AK7: variants seen among roughly 807,000 people sequenced by gnomAD.
The protein encoded by AK7 is adenylate kinase 7, also known as ATP-AMP transphosphorylase 7.
AK7 carries 78 observed loss-of-function variants against 96.6 expected under a neutral mutation model. That is an observed-to-expected ratio of 0.81 (90% confidence interval 0.67 to 0.97). The LOEUF (loss-of-function observed/expected upper bound fraction) is 0.97, where lower values mean the gene tolerates loss of function less well. Ranked by LOEUF, AK7 falls within the 50% of genes least tolerant of loss-of-function variation. AK7 has a pLI of 0.00. For missense variants in AK7, 855 were observed against 887.9 expected (o/e 0.96, Z 0.47); for synonymous variants, 302 against 317.2 (o/e 0.95, Z 0.51).
intron 13 of AK7, 145 bp downstream of exon 13, chr14:96,471,751 C>CA (rs980332475): frequency 6.1e-6 from 4 of 653,310 alleles, no homozygotes; most frequent in Non-Finnish European, 8.8e-6. Flanking sequence ...CTTTACGTAG[C>CA]TTTTTTTTTT....
chr14:96,407,546 C>T (rs1180249012), intron 3 of AK7, among the ~76,000 whole-genome samples: 5 of 150,470 alleles, frequency 3.3e-5, no homozygotes, highest in African/African-American at 1.2e-4. Context: ...TTAGACCTCA[C>T]TTTGCAGCTC....
chr14:96,400,137 C>T (rs1235204387), intron 2 of AK7, among the ~76,000 whole-genome samples: 1 of 140,520 alleles, frequency 7.1e-6, no homozygotes, highest in Non-Finnish European at 1.5e-5. Context: ...CTCCTGGGTT[C>T]AAGCGATTCT....
intron 8 of AK7, among the ~76,000 whole-genome samples, chr14:96,447,337 C>T (rs1595426144): frequency 6.6e-6 from 1 of 152,242 alleles, no homozygotes; most frequent in Non-Finnish European, 1.5e-5. Context: ...TTTTTTGATA[C>T]AGAGTCTCGC....
intron 4 of AK7, among the ~76,000 whole-genome samples, chr14:96,415,786 T>TACATTAATTAATTAAATTAATTTAAC (rs1265927397): frequency 6.7e-6 from 1 of 149,524 alleles, no homozygotes; most frequent in African/African-American, 2.4e-5. Context: ...ATTAATTTAA[T>TACATTAATTAATTAAATTAATTTAAC]ACATTAATTA....
At chr14:96,392,720 G>A (rs1318975580) in intron 1 of AK7, among the ~76,000 whole-genome samples, 2 of 151,926 alleles carry the variant, frequency 1.3e-5, no homozygotes, top group Non-Finnish European at 2.9e-5. Flanking sequence ...CTGGAGTGCA[G>A]TGGCGCGATC....
chr14:96,467,907 G>A (rs952980043), intron 12 of AK7, among the ~76,000 whole-genome samples: 12 of 151,850 alleles, frequency 7.9e-5, no homozygotes, highest in Admixed American at 2.6e-4. Flanking sequence ...GGACCCAAGT[G>A]GAACACTTTT....
chr14:96,476,492 C>T (rs1431916098), intron 14 of AK7, among the ~76,000 whole-genome samples: 3 of 140,346 alleles, frequency 2.1e-5, no homozygotes, highest in Non-Finnish European at 3.0e-5. Flanking sequence ...GGGACAAGAG[C>T]GAGACTTTGT....
At chr14:96,440,714 A>G (rs1008360418) in intron 6 of AK7, among the ~76,000 whole-genome samples, 2 of 152,230 alleles carry the variant, frequency 1.3e-5, no homozygotes, top group Non-Finnish European at 2.9e-5. Flanking sequence ...TTTCTGAGAC[A>G]GGTCTCAATC....
chr14:96,418,447 A>G (rs941755215), intron 4 of AK7, among the ~76,000 whole-genome samples: 8 of 144,396 alleles, frequency 5.5e-5, no homozygotes, highest in African/African-American at 2.0e-4. Flanking sequence ...TCCCCTACCA[A>G]TTCCCAGCTT....
In AK7 at chr14:96,473,769, ACTT is replaced by A. The variant is rs367794049; in HGVS notation, c.1555+1016_1555+1018del. On this transcript the variant is annotated intron_variant, in intron 14 of 17. Coordinates refer to ENST00000267584, the MANE Select transcript of AK7 (RefSeq NM_152327.5). Reference sequence around the variant, plus strand: ...AGGTAGCAAATCTGCTGATGGCTTGACTTCGTGAGTCATGTAGCCTCCTTCCCT... The same window carrying A: ...AGGTAGCAAATCTGCTGATGGCTTGACGTGAGTCATGTAGCCTCCTTCCCT... Among the ~76,000 whole-genome samples the A allele has an allele frequency of 2.3e-3, 356 of 152,218 alleles. 6 individuals are homozygous for A. The highest frequency in any genetic ancestry group is 8.1e-3 in the African/African-American group (338 of 41,540).
chr14:96,442,825 A>C lies in AK7; in HGVS notation c.779+7A>C, dbSNP rs370055465. The C allele has an allele frequency of 6.2e-7, 1 of 1,612,120 alleles. No individual in the cohort carries two copies. On this transcript the variant is annotated splice_region_variant and intron_variant, in intron 7 of 17. Coordinates refer to ENST00000267584, the MANE Select transcript of AK7 (RefSeq NM_152327.5). The stretch of plus-strand genomic sequence containing the variant: ...ATGTTCTTGATCTAGCAGGGTAAGC[A>C]TTCGCCCAGAGACGTGACCTTCACA...
chr14:96,451,771 T>C lies in AK7; in HGVS notation c.1098+201T>C, dbSNP rs534459750. ...ATACCTGTGAACCAAACATGAACAG[T>C]TTTAAATATTAGATAATAATGTATG... On this transcript the variant is annotated intron_variant, in intron 10 of 17. Coordinates refer to ENST00000267584, the MANE Select transcript of AK7 (RefSeq NM_152327.5). 1.4e-4 allele frequency among the ~76,000 whole-genome samples: 22 copies of C among 152,288 alleles called. No homozygotes were observed. The South Asian group carries it at 4.6e-3, about 32-fold the overall frequency.
intron 14 of AK7, among the ~76,000 whole-genome samples, chr14:96,473,430 T>G (rs1895010187): frequency 6.6e-6 from 1 of 151,732 alleles, no homozygotes; most frequent in African/African-American, 2.4e-5. Context: ...CCCAAAGTGC[T>G]GGGATTACAA....
chr14:96,457,350 C>T (rs1018921177), intron 11 of AK7, among the ~76,000 whole-genome samples: 5 of 152,090 alleles, frequency 3.3e-5, no homozygotes, highest in African/African-American at 1.2e-4. Context: ...TGTGAGCCAC[C>T]GTGCCAAGCC....
intron 5 of AK7, among the ~76,000 whole-genome samples, chr14:96,432,483 G>A (rs1009660636): frequency 5.9e-5 from 9 of 152,042 alleles, no homozygotes; most frequent in Admixed American, 1.3e-4. Context: ...TCCTAGCATC[G>A]ATGGTCTTTA....
chr14:96,483,113 G>T lies in AK7; in HGVS notation c.1868G>T (p.Arg623Leu). 1 of 1,614,148 alleles carries T rather than the reference G, an allele frequency of 6.2e-7. No individual in the cohort carries two copies. The stretch of plus-strand genomic sequence containing the variant: ...GACGAAGAAAAGGCAGAAGAGGAGC[G>T]GAAGGCTGCGGAGGAGCGGCTGGCC... ...LTDEEKAEEE[R>L]KAAEERLARE... The change falls in exon 16 of 18, where the codon CGG (arginine) becomes CTG (leucine). Residue 623 changes from arginine to leucine, a missense_variant. By Grantham distance (102) the Arg-to-Leu change is moderately radical. Transcript: ENST00000267584.
intron 4 of AK7, among the ~76,000 whole-genome samples, chr14:96,416,984 C>G (rs1269221309): frequency 6.6e-6 from 1 of 152,216 alleles, no homozygotes; most frequent in Non-Finnish European, 1.5e-5. Flanking sequence ...GGCCATCCAA[C>G]CTATGGTTCT....
At chr14:96,449,646 T>C (rs1299457456) in intron 8 of AK7, among the ~76,000 whole-genome samples, 156 bp from the exon 9 acceptor site, 1 of 152,082 alleles carries the variant, frequency 6.6e-6, no homozygotes, top group Non-Finnish European at 1.5e-5. Flanking sequence ...GTCAGCCAGG[T>C]TGGTCTCAAA....
chr14:96,410,199 G>T (rs191064711), intron 4 of AK7, among the ~76,000 whole-genome samples: 2 of 152,306 alleles, frequency 1.3e-5, no homozygotes, highest in African/African-American at 4.8e-5. Flanking sequence ...CAGGTTTCAT[G>T]CTCTTTCCTT....
Sources: allele counts gnomAD v4.1 joint callset (sites outside exome capture counted in the v4.1 genomes callset), GRCh38; gene constraint gnomAD v4.1.1; transcripts MANE v1.5; gene names NCBI Gene and HGNC (gene_info 2026-07-23, HGNC 2026-07-21).